The following AOPEP variants were observed in gnomAD, a reference collection of about 807,000 sequenced individuals.
AOPEP encodes the protein aminopeptidase O (putative).
Under a neutral mutation model 98.1 loss-of-function variants are expected in AOPEP, and 77 were observed. The observed-to-expected ratio is 0.78, with a 90% confidence interval of 0.65 to 0.95. The LOEUF (loss-of-function observed/expected upper bound fraction) is 0.95. AOPEP is among the 40% of genes least tolerant of loss of function. AOPEP has a pLI of 0.00. For missense variants in AOPEP, 1,024 were observed against 1,024.7 expected, an observed-to-expected ratio of 1.00 and a Z score of 0.01; for synonymous variants, 346 against 365.3, an observed-to-expected ratio of 0.95 and a Z score of 0.60.
the AOPEP span, chr9:95,114,590 T>C: frequency 9.7e-6 from 15 of 1,548,182 alleles, no homozygotes; most frequent in Non-Finnish European, 1.3e-5. Context: ...AGGGAAACCA[T>C]GTGTGAAGTA....
intron 5 of AOPEP, among the ~76,000 whole-genome samples, chr9:94,810,386 A>C (rs928172709): frequency 2.7e-5 from 4 of 149,290 alleles, no homozygotes; most frequent in African/African-American, 1.0e-4. Context: ...GCAATCTCGG[A>C]TCATTGCATA....
chr9:95,085,321 G>A (rs771624925), intron 16 of AOPEP: 3 of 482,350 alleles, frequency 6.2e-6, no homozygotes, highest in Middle Eastern at 3.2e-4. Flanking sequence ...TCCAGAAACC[G>A]TGGTCGCGCT....
chr9:94,865,875 C>T (rs1158614717), intron 5 of AOPEP, among the ~76,000 whole-genome samples: 1 of 152,178 alleles, frequency 6.6e-6, no homozygotes, highest in East Asian at 1.9e-4. Flanking sequence ...GCAAATTATA[C>T]TTGATAATAA....
chr9:95,005,435 C>A, intron 12 of AOPEP, 107 bp from the exon 13 acceptor site: 2 of 1,169,670 alleles, frequency 1.7e-6, no homozygotes, highest in Non-Finnish European at 2.6e-6. Context: ...TCCCGAGGTG[C>A]GGGGAAGACC....
At chr9:95,027,447 A>T (rs1378202031) in intron 13 of AOPEP, among the ~76,000 whole-genome samples, 1 of 151,964 alleles carries the variant, frequency 6.6e-6, no homozygotes, top group Non-Finnish European at 1.5e-5. Context: ...TGTGTATGTG[A>T]TATTGTCTAA....
the AOPEP span, among the ~76,000 whole-genome samples, chr9:95,106,555 A>T: frequency 6.6e-6 from 1 of 152,340 alleles, no homozygotes; most frequent in South Asian, 2.1e-4. Flanking sequence ...AATGTCACAA[A>T]GAGTGCTCAC....
the AOPEP span, among the ~76,000 whole-genome samples, chr9:95,105,174 G>A: frequency 1.3e-5 from 2 of 152,230 alleles, no homozygotes; most frequent in African/African-American, 4.8e-5. Context: ...CACCTGGGAG[G>A]CACAGCCTGG....
intron 5 of AOPEP, among the ~76,000 whole-genome samples, chr9:94,880,975 A>C (rs1427034907): frequency 6.6e-6 from 1 of 152,210 alleles, no homozygotes; most frequent in Non-Finnish European, 1.5e-5. Flanking sequence ...TACTACACCT[A>C]CACAATTGTG....
chr9:95,059,002 G>A (rs1459535652), intron 13 of AOPEP, among the ~76,000 whole-genome samples: 1 of 152,246 alleles, frequency 6.6e-6, no homozygotes, highest in Non-Finnish European at 1.5e-5. Flanking sequence ...ACCCGGCAGT[G>A]TTCATGGTAT....
chr9:94,955,872 A>C, intron 8 of AOPEP, 36 bp from the exon 9 acceptor site: 2,402 of 1,197,856 alleles, frequency 2.0e-3, no homozygotes, highest in Non-Finnish European at 2.7e-3. Context: ...AACTCATGGT[A>C]GGCCTCTTTT....
At chr9:94,893,091 T>C (rs1349284839) in intron 5 of AOPEP, among the ~76,000 whole-genome samples, 1 of 152,242 alleles carries the variant, frequency 6.6e-6, no homozygotes, top group Admixed American at 6.5e-5. Flanking sequence ...AAGACCCTTA[T>C]AGAAAACTGA....
chr9:94,993,732 ATTAGC>A (rs1438262111), intron 11 of AOPEP, among the ~76,000 whole-genome samples: 7 of 152,208 alleles, frequency 4.6e-5, no homozygotes, highest in Non-Finnish European at 7.3e-5. Flanking sequence ...CCTGGTTGTT[ATTAGC>A]CTTGACTTTG....
chr9:95,083,549 GCACACACAC>G (rs1182544877), intron 16 of AOPEP, among the ~76,000 whole-genome samples: 1 of 144,100 alleles, frequency 6.9e-6, no homozygotes, highest in African/African-American at 2.6e-5. Flanking sequence ...AGTACACGCG[GCACACACAC>G]CACACACAGC....
Position 95,027,647 on chromosome 9 carries a change from G to A in AOPEP, c.2115+22031G>A, listed in dbSNP as rs1349466614. ...ATAATTAAATAGTGAAGTTCTAGGT[G>A]TTAGAATTTGGTAGCTTTTAAGGAT... On this transcript the variant is annotated intron_variant, in intron 13 of 16. Transcript: ENST00000375315. 2.6e-5 allele frequency among the ~76,000 whole-genome samples: 4 copies of A among 152,168 alleles called. No individual in the cohort carries two copies. The East Asian group carries it at 7.7e-4, about 29-fold the overall frequency.
intron 11 of AOPEP, among the ~76,000 whole-genome samples, chr9:94,998,093 T>A (rs2061349652): frequency 2.0e-5 from 3 of 152,004 alleles, no homozygotes; most frequent in Admixed American, 1.3e-4. Context: ...AATGTCTGCT[T>A]TTTAGAATGT....
chr9:95,047,363 A>T (rs2065943398), intron 13 of AOPEP, among the ~76,000 whole-genome samples: 1 of 152,298 alleles, frequency 6.6e-6, no homozygotes, highest in East Asian at 1.9e-4. Context: ...TTTTAAATGG[A>T]TGCAGATTAT....
At chr9:94,771,915 C>G (rs1024922913) in intron 2 of AOPEP, among the ~76,000 whole-genome samples, 1 of 152,062 alleles carries the variant, frequency 6.6e-6, no homozygotes, top group Non-Finnish European at 1.5e-5. Context: ...AAACTCATTC[C>G]CGAGTTTAAA....
chr9:95,086,297 G>T, intron 16 of AOPEP: 1 of 985,440 alleles, frequency 1.0e-6, no homozygotes, highest in Non-Finnish European at 1.2e-6. Context: ...GAGCTCCCAG[G>T]CCTGAAGGCA....
chr9:95,111,461 A>G, the AOPEP span: 1 of 1,611,854 alleles, frequency 6.2e-7, no homozygotes, highest in East Asian at 2.2e-5. Context: ...CCTGCTACCC[A>G]CCATAGTCTG....
Sources: allele counts gnomAD v4.1 joint callset (sites outside exome capture counted in the v4.1 genomes callset), GRCh38; gene constraint gnomAD v4.1.1; transcripts MANE v1.5; gene names NCBI Gene and HGNC (gene_info 2026-07-23, HGNC 2026-07-21).